ENPP6: variants seen among roughly 807,000 people sequenced by gnomAD.
The protein encoded by ENPP6 is glycerophosphocholine cholinephosphodiesterase ENPP6.
Under a neutral mutation model 42.0 loss-of-function variants are expected in ENPP6, and 32 were observed. That is an observed-to-expected ratio of 0.76 (90% CI 0.58 to 1.02). The LOEUF (loss-of-function observed/expected upper bound fraction) is 1.02. Among genes scored for constraint, ENPP6 ranks in the 50% least tolerant of loss-of-function variants. The pLI, the probability that ENPP6 is intolerant of heterozygous loss-of-function variation, is 0.00. For synonymous variants in ENPP6, 213 were observed against 216.0 expected (o/e 0.99, Z 0.12); for missense variants, 552 against 566.8 (o/e 0.97, Z 0.27).
At position 184,208,262 on chromosome 4, in the gene ENPP6, T is replaced by C. The variant is rs112167112; in HGVS notation, c.241+9317A>G. 9.3e-3 allele frequency among the ~76,000 whole-genome samples: 1,412 copies of C among 152,276 alleles called. 23 individuals are homozygous for C. The highest frequency in any genetic ancestry group is 0.032 in the African/African-American group (1,332 of 41,562). ...CAAGATGGCCAAATAGGAACAGCTC[T>C]GGTCTACAGCTCCCAGCGTGAGCGA... On this transcript the variant is annotated intron_variant, in intron 1 of 7. Transcript: ENST00000296741.
chr4:184,093,891 C>T (rs1173712323), intron 7 of ENPP6, among the ~76,000 whole-genome samples: 1 of 152,118 alleles, frequency 6.6e-6, no homozygotes, highest in African/African-American at 2.4e-5. Context: ...TGTGATAATT[C>T]TACTGCCACA....
At position 184,217,663 on chromosome 4, in the gene ENPP6, T is replaced by C. The variant is rs775841870; in HGVS notation, c.157A>G (p.Ile53Val). The change falls in exon 1 of 8, where the codon ATT (isoleucine) becomes GTT (valine). Residue 53 changes from isoleucine (I) to valine (V), a missense_variant. Transcript: ENST00000296741. ...TCCACTTTTACTCCCCTGCTCACAA[T>C]CTCTTTGAAACCAGGCAATGACTCC... ...ALESLPGFKEIVSRGVKVDYL... is the reference protein window; with the variant it reads ...ALESLPGFKEVVSRGVKVDYL... 11 of 1,613,992 alleles carry C rather than the reference T, an allele frequency of 6.8e-6. No homozygotes were observed. The highest frequency in any genetic ancestry group is 9.3e-6 in the Non-Finnish European group (11 of 1,180,028).
chr4:184,155,693 T>C (rs1159310409), intron 1 of ENPP6, among the ~76,000 whole-genome samples: 2 of 152,190 alleles, frequency 1.3e-5, no homozygotes, highest in Admixed American at 1.3e-4. Context: ...AACAAGGCCA[T>C]GAAACCCAGA....
At chr4:184,133,177 A>T (rs1406546806) in intron 2 of ENPP6, among the ~76,000 whole-genome samples, 3 of 152,082 alleles carry the variant, frequency 2.0e-5, no homozygotes, top group Admixed American at 1.3e-4. Context: ...ACACACACAC[A>T]CACACACACA....
chr4:184,178,164 G>C (rs910298863), intron 1 of ENPP6, among the ~76,000 whole-genome samples: 1 of 152,040 alleles, frequency 6.6e-6, no homozygotes, highest in African/African-American at 2.4e-5. Flanking sequence ...AACCACTTTA[G>C]AGAGAAATAT....
chr4:184,132,474 T>C (rs77723005), intron 2 of ENPP6, among the ~76,000 whole-genome samples: 5,740 of 152,200 alleles, frequency 0.038, 163 homozygotes, highest in Middle Eastern at 0.058. Context: ...CCTCATACTT[T>C]GTAATTATTT....
intron 1 of ENPP6, among the ~76,000 whole-genome samples, chr4:184,163,882 G>A (rs1737306383): frequency 6.6e-6 from 1 of 152,226 alleles, no homozygotes; most frequent in Non-Finnish European, 1.5e-5. Flanking sequence ...ATATAAGTGA[G>A]GCTTACCATA....
chr4:184,090,709 A>G lies in ENPP6; in HGVS notation c.*468T>C, dbSNP rs972875882. 1.4e-5 allele frequency: 4 copies of G among 294,462 alleles called. No homozygotes were observed. The East Asian group carries it at 2.1e-4, about 15-fold the overall frequency. The allele number at this position is 294,462 out of a possible 1,614,324, so 18.2% of individuals were successfully genotyped here. A position where few individuals can be genotyped will look rare whatever the true frequency, so the allele number is the denominator to read the frequency against. ...TCATGTAGACCTCCTTTTATCAGGG[A>G]TGGAAGGAACAGTACAGGATTGTGG... On this transcript the variant is annotated 3_prime_UTR_variant, in exon 8 of 8. Coordinates refer to ENST00000296741, the MANE Select transcript of ENPP6 (RefSeq NM_153343.4).
Position 184,203,392 on chromosome 4 carries a change from C to T in ENPP6, c.241+14187G>A, listed in dbSNP as rs79685639. Among the ~76,000 whole-genome samples, 1,337 of 152,314 alleles carry T rather than the reference C, an allele frequency of 8.8e-3. 21 individuals are homozygous for T. The highest frequency in any genetic ancestry group is 0.031 in the African/African-American group (1,268 of 41,566). ...CACTGGACCATGCGTAATGGGTTGA[C>T]TTGTGGCCCCCAAGAAGATATACTG... On this transcript the variant is annotated intron_variant, in intron 1 of 7. Coordinates refer to ENST00000296741, the MANE Select transcript of ENPP6 (RefSeq NM_153343.4).
intron 1 of ENPP6, among the ~76,000 whole-genome samples, chr4:184,209,220 A>G (rs1336845367): frequency 1.3e-5 from 2 of 151,546 alleles, no homozygotes; most frequent in African/African-American, 4.9e-5. Flanking sequence ...CCAGCAATGG[A>G]ACAAAGCTGG....
At chr4:184,114,020 CAATGGCAAGA>C (rs1736273654) in intron 5 of ENPP6, among the ~76,000 whole-genome samples, 2 of 150,298 alleles carry the variant, frequency 1.3e-5, no homozygotes, top group South Asian at 4.2e-4. Context: ...GGCTGGAGTG[CAATGGCAAGA>C]TCTTGGCTCA....
intron 2 of ENPP6, 101 bp from the exon 3 acceptor site, chr4:184,124,373 T>A: frequency 1.2e-6 from 1 of 829,998 alleles, no homozygotes. Context: ...AAATCAAAAA[T>A]AAAAATGTTG....
chr4:184,168,455 A>AAGC (rs1300919667), intron 1 of ENPP6, among the ~76,000 whole-genome samples: 1 of 152,216 alleles, frequency 6.6e-6, no homozygotes, highest in Non-Finnish European at 1.5e-5. Flanking sequence ...ACGAAAAGAA[A>AAGC]AGCAGCACCA....
At chr4:184,129,252 A>C (rs1289931330) in intron 2 of ENPP6, among the ~76,000 whole-genome samples, 1 of 139,906 alleles carries the variant, frequency 7.1e-6, no homozygotes, top group Non-Finnish European at 1.5e-5. Context: ...TAATCCGTGG[A>C]AAAATGCACT....
intron 1 of ENPP6, among the ~76,000 whole-genome samples, chr4:184,208,328 T>C (rs35088374): frequency 0.16 from 24,788 of 152,102 alleles, 2,613 homozygotes; most frequent in Non-Finnish European, 0.24. Context: ...TCTGAGGTAC[T>C]GGGTTCATCT....
intron 1 of ENPP6, among the ~76,000 whole-genome samples, chr4:184,186,164 A>T (rs893483260): frequency 7.9e-5 from 12 of 152,224 alleles, no homozygotes; most frequent in African/African-American, 2.9e-4. Flanking sequence ...ATGTTTTTGT[A>T]CTTTGAAATT....
At chr4:184,133,872 A>ATTT (rs33932621) in intron 2 of ENPP6, among the ~76,000 whole-genome samples, 26,093 of 145,722 alleles carry the variant, frequency 0.18, 2,543 homozygotes, top group East Asian at 0.27. Flanking sequence ...ATATTGATTG[A>ATTT]TTTTTTTTTT....
chr4:184,140,058 G>A (rs1296459217), intron 2 of ENPP6, among the ~76,000 whole-genome samples: 2 of 148,876 alleles, frequency 1.3e-5, no homozygotes, highest in Non-Finnish European at 3.0e-5. Context: ...TTCTAACTGG[G>A]GTGAGATGGT....
intron 1 of ENPP6, among the ~76,000 whole-genome samples, chr4:184,181,291 T>C (rs952462883): frequency 2.0e-5 from 3 of 152,140 alleles, no homozygotes; most frequent in Non-Finnish European, 4.4e-5. Context: ...TACTTAGGAA[T>C]ACAGCTAACA....
Sources: allele counts gnomAD v4.1 joint callset (sites outside exome capture counted in the v4.1 genomes callset), GRCh38; gene constraint gnomAD v4.1.1; transcripts MANE v1.5; gene names NCBI Gene and HGNC (gene_info 2026-07-23, HGNC 2026-07-21).